Variants in SEC24B observed in about 807,000 individuals in gnomAD.
SEC24B encodes SEC24 homolog B, COPII component.
In SEC24B, 45 loss-of-function variants were observed where a neutral mutation model predicts 142.8. That is an observed-to-expected ratio of 0.32 (90% CI 0.25 to 0.40). The LOEUF is 0.40. Among genes scored for constraint, SEC24B ranks in the 10% least tolerant of loss-of-function variants. SEC24B has a pLI of 1.00. For missense variants in SEC24B, 1,409 were observed against 1,526.8 expected (o/e 0.92, Z 1.29); for synonymous variants, 574 against 568.2 (o/e 1.01, Z -0.15).
At chr4:109,444,807 C>T (rs1729286895) in intron 1 of SEC24B, among the ~76,000 whole-genome samples, 1 of 152,146 alleles carries the variant, frequency 6.6e-6, no homozygotes. Flanking sequence ...TTTCTTCATT[C>T]AGATTGGTAC....
At chr4:109,476,699 A>G (rs1476884524) in intron 3 of SEC24B, among the ~76,000 whole-genome samples, 1 of 126,164 alleles carries the variant, frequency 7.9e-6, no homozygotes, top group Non-Finnish European at 1.5e-5. Context: ...TTATTATTTC[A>G]TATAACAGTT....
At chr4:109,436,588 G>A (rs188739925) in intron 1 of SEC24B, among the ~76,000 whole-genome samples, 1 of 152,270 alleles carries the variant, frequency 6.6e-6, no homozygotes, top group Admixed American at 6.5e-5. Context: ...TAGGAGTGTC[G>A]CTTGCTACTC....
At chr4:109,530,705 C>G (rs934810333) in intron 19 of SEC24B, among the ~76,000 whole-genome samples, 7 of 151,608 alleles carry the variant, frequency 4.6e-5, no homozygotes, top group African/African-American at 1.7e-4. Flanking sequence ...AGTTTGCAAC[C>G]AGCCTGGCCA....
Position 109,494,806 on chromosome 4 carries a change from G to A in SEC24B, c.1438G>A (p.Gly480Arg). ...YQNATAPLISGVQPSNPVYSG... is the reference protein window; with the variant it reads ...YQNATAPLISRVQPSNPVYSG... ...GAATGCTACAGCACCACTTATTTCT[G>A]GAGTACAGCCCAGTAACCCGGTATA... Residue 480 changes from glycine (G) to arginine (R), a missense_variant, in exon 6 of 24, where the codon GGA becomes AGA. Physicochemically the swap from Gly to Arg is moderately radical, Grantham distance 125 (BLOSUM62 -2). This residue lies in a region of SEC24B where 709 missense variants were observed against 673.5 expected (regional missense o/e 1.05). Coordinates refer to ENST00000265175, the MANE Select transcript of SEC24B (RefSeq NM_006323.5). 1 of 1,614,112 alleles carries A rather than the reference G, an allele frequency of 6.2e-7. No homozygotes were observed. The highest frequency in any genetic ancestry group is 8.5e-7 in the Non-Finnish European group (1 of 1,179,990).
At chr4:109,530,831 G>A (rs1344584194) in intron 19 of SEC24B, among the ~76,000 whole-genome samples, 1 of 149,018 alleles carries the variant, frequency 6.7e-6, no homozygotes, top group Non-Finnish European at 1.5e-5. Context: ...GGGAGGTGGA[G>A]GTTGCAGTGA....
At chr4:109,528,430 CAAAA>C (rs35976480) in intron 18 of SEC24B, among the ~76,000 whole-genome samples, 4 of 78,264 alleles carry the variant, frequency 5.1e-5, no homozygotes, top group Admixed American at 1.6e-4. Context: ...GACTGCATCT[CAAAA>C]AAAAAAAAAA....
In SEC24B at chr4:109,516,616, A is replaced by T. The variant is rs777305648; in HGVS notation, c.2102A>T (p.Gln701Leu). The T allele has an allele frequency of 1.9e-6, 3 of 1,605,152 alleles. No homozygotes were observed. The Admixed American group carries it at 5.0e-5, about 27-fold the overall frequency. The change falls in exon 11 of 24, where the codon CAG (glutamine) becomes CTG (leucine). Residue 701 changes from glutamine to leucine, a missense_variant. By Grantham distance (113) the Gln-to-Leu change is moderately radical (BLOSUM62 -2). This residue lies in a region of SEC24B where 700 missense variants were observed against 853.3 expected (regional missense o/e 0.82). Transcript: ENST00000265175. ...GCTGGATATTTGACAATTTTGTGCC[A>T]GTCACTCCTAGAAAATCTAGACAAG... is the stretch of plus-strand genomic sequence containing the variant. ...VEAGYLTILCQSLLENLDKLP... is the reference protein window; with the variant it reads ...VEAGYLTILCLSLLENLDKLP...
At chr4:109,517,931 T>TTTTG (rs70949093) in intron 11 of SEC24B, among the ~76,000 whole-genome samples, 64 of 146,780 alleles carry the variant, frequency 4.4e-4, no homozygotes, top group South Asian at 2.6e-3. Flanking sequence ...AAACTGAGCA[T>TTTTG]TTTGTTTGTT....
chr4:109,481,857 C>A, intron 4 of SEC24B, 76 bp downstream of exon 4: 1 of 1,052,150 alleles, frequency 9.5e-7, no homozygotes, highest in Non-Finnish European at 1.4e-6. Flanking sequence ...TCTTACTTAG[C>A]CTTTTAAAAA....
At chr4:109,491,248 T>A in intron 4 of SEC24B, 79 bp from the exon 5 acceptor site, 1 of 1,119,242 alleles carries the variant, frequency 8.9e-7, no homozygotes, top group Non-Finnish European at 1.3e-6. Flanking sequence ...CGCAAAAACA[T>A]CTTTTTCAAA....
At chr4:109,522,902 T>C (rs928222451) in intron 14 of SEC24B, among the ~76,000 whole-genome samples, 2 of 152,220 alleles carry the variant, frequency 1.3e-5, no homozygotes, top group African/African-American at 4.8e-5. Flanking sequence ...TTTTTTTCTT[T>C]TGTTTTTTAA....
At chr4:109,530,066 A>G (rs1724726922) in intron 18 of SEC24B, among the ~76,000 whole-genome samples, 1 of 152,188 alleles carries the variant, frequency 6.6e-6, no homozygotes, top group South Asian at 2.1e-4. Flanking sequence ...AGAGATTAAA[A>G]CAAAAATGTC....
At chr4:109,511,043 A>C (rs1737264219) in intron 8 of SEC24B, among the ~76,000 whole-genome samples, 1 of 151,986 alleles carries the variant, frequency 6.6e-6, no homozygotes, top group Non-Finnish European at 1.5e-5. Flanking sequence ...TCATTGGGTA[A>C]ATATTTTTAA....
intron 1 of SEC24B, among the ~76,000 whole-genome samples, chr4:109,458,566 A>T (rs1325692459): frequency 6.6e-6 from 1 of 152,256 alleles, no homozygotes; most frequent in Admixed American, 6.5e-5. Context: ...TGTTAAAAAA[A>T]TGAAAACCTA....
chr4:109,440,180 G>C (rs958412894), intron 1 of SEC24B, among the ~76,000 whole-genome samples: 1 of 151,548 alleles, frequency 6.6e-6, no homozygotes, highest in East Asian at 1.9e-4. Flanking sequence ...TCTTATATCT[G>C]GGTTTAATTT....
intron 9 of SEC24B, among the ~76,000 whole-genome samples, chr4:109,513,532 G>A (rs909232497): frequency 6.6e-6 from 1 of 151,938 alleles, no homozygotes; most frequent in African/African-American, 2.4e-5. Flanking sequence ...TCCGCCCGCC[G>A]CGGCCGCCCA....
At position 109,473,094 on chromosome 4, in the gene SEC24B, G is replaced by T. The variant is rs773034325; in HGVS notation, c.968G>T (p.Gly323Val). ...VVSTVLSGSS[G>V]SSSTRTPPTA... ...TCCACTGTTTTATCAGGATCCTCAG[G>T]ATCCTCATCAACAAGAACACCTCCC... The change falls in exon 3 of 24, where the codon GGA becomes GTA. Residue 323 changes from glycine (G) to valine (V), a missense_variant. Around this residue, in one of 2 missense-constraint regions of SEC24B, gnomAD observed 709 missense variants for 673.5 expected, o/e 1.05. Transcript: ENST00000265175. 4 of 1,603,264 alleles carry T rather than the reference G, an allele frequency of 2.5e-6. No individual in the cohort carries two copies. The highest frequency in any genetic ancestry group is 3.4e-6 in the Non-Finnish European group (4 of 1,175,074).
chr4:109,451,554 A>G (rs1016984729), intron 1 of SEC24B, among the ~76,000 whole-genome samples: 10 of 151,578 alleles, frequency 6.6e-5, no homozygotes, highest in Non-Finnish European at 1.0e-4. Flanking sequence ...TTTTCCCCCA[A>G]TCTTTTTGTT....
At chr4:109,440,258 C>T (rs1728821062) in intron 1 of SEC24B, among the ~76,000 whole-genome samples, 1 of 152,172 alleles carries the variant, frequency 6.6e-6, no homozygotes, top group African/African-American at 2.4e-5. Context: ...TCCTCTCCCC[C>T]CAAGTTTCTG....
Sources: gnomAD v4.1 joint callset for allele counts (sites outside exome capture counted in the v4.1 genomes callset) on GRCh38, gnomAD v4.1.1 for gene constraint, gnomAD v4.1.1 regional missense constraint, MANE v1.5 for transcripts, NCBI Gene and HGNC (gene_info 2026-07-23, HGNC 2026-07-21) for gene names.